Variants in SVOPL observed in about 807,000 individuals in gnomAD.
The protein encoded by SVOPL is SVOP like.
In SVOPL, 60 loss-of-function variants were observed where a neutral mutation model predicts 61.0. The observed-to-expected ratio is 0.98, with a 90% CI of 0.80 to 1.22. The LOEUF (loss-of-function observed/expected upper bound fraction) is 1.22. SVOPL is among the 50% of genes most tolerant of loss of function. The pLI is 0.00. For missense variants in SVOPL, 662 were observed against 643.9 expected, an observed-to-expected ratio of 1.03 and a Z score of -0.30; for synonymous variants, 279 against 250.0, an observed-to-expected ratio of 1.12 and a Z score of -1.09.
At chr7:138,612,424 T>TAAAAAAAAAAAAAAAAA (rs1281500368) in intron 14 of SVOPL, among the ~76,000 whole-genome samples, 4 of 41,200 alleles carry the variant, frequency 9.7e-5, no homozygotes, top group Non-Finnish European at 2.1e-4. Context: ...AAAAAAAAAA[T>TAAAAAAAAAAAAAAAAA]AAAATAAAAA....
chr7:138,651,630 A>G (rs1331558423), intron 7 of SVOPL, among the ~76,000 whole-genome samples: 1 of 152,090 alleles, frequency 6.6e-6, no homozygotes, highest in Non-Finnish European at 1.5e-5. Context: ...TTATTTTTGC[A>G]TCTGTTATGG....
chr7:138,616,592 G>A lies in SVOPL; in HGVS notation c.1353+4454C>T, dbSNP rs188097739. Among the ~76,000 whole-genome samples the A allele has an allele frequency of 6.4e-3, 979 of 152,088 alleles. 3 individuals carry two copies. The highest frequency in any genetic ancestry group is 0.01 in the Non-Finnish European group (680 of 67,978). On this transcript the variant is annotated intron_variant, in intron 14 of 15. Coordinates refer to ENST00000674285, the MANE Select transcript of SVOPL (RefSeq NM_001139456.2). ...CTCAGGTAATCCACCGGCCTCAGCC[G>A]CCCAAAGTGCTGGGATTACAGACAT...
chr7:138,614,258 T>A (rs1324132954), intron 14 of SVOPL, among the ~76,000 whole-genome samples: 1 of 152,078 alleles, frequency 6.6e-6, no homozygotes, highest in Non-Finnish European at 1.5e-5. Flanking sequence ...CCTAACAGAG[T>A]CTCTGTTTGT....
Position 138,661,869 on chromosome 7 carries a change from G to A in SVOPL, c.345+1205C>T, listed in dbSNP as rs186849458. On this transcript the variant is annotated intron_variant, in intron 5 of 15. Transcript: ENST00000674285. ...TAAACTCCCTACTTATATTAATTTC[G>A]TCTCTGTTTCTTCCTTTAGGTCAAT... is the stretch of plus-strand genomic sequence containing the variant. 886 of 985,112 alleles carry A rather than the reference G, an allele frequency of 9.0e-4. 6 individuals carry two copies. The African/African-American group carries it at 0.012, about 14-fold the overall frequency. 61.0% of individuals were successfully genotyped at this position (985,112 alleles called of 1,614,324 possible). A position where few individuals can be genotyped will look rare whatever the true frequency, so the allele number is the denominator to read the frequency against.
chr7:138,607,756 G>C (rs1798819793), intron 14 of SVOPL, among the ~76,000 whole-genome samples: 1 of 152,160 alleles, frequency 6.6e-6, no homozygotes, highest in South Asian at 2.1e-4. Context: ...TGATTTTACA[G>C]CTTGGAAGCT....
chr7:138,687,343 A>C (rs6966562), intron 1 of SVOPL, among the ~76,000 whole-genome samples: 44,878 of 141,592 alleles, frequency 0.32, 7,533 homozygotes, highest in African/African-American at 0.46. Context: ...TCAAGTGATT[A>C]TCCTGCCTCA....
In SVOPL at chr7:138,644,797, C is replaced by G. The variant is rs1801012620; in HGVS notation, c.709G>C (p.Ala237Pro). ...RFNVSTGNTR[A>P]ALATLERVAK... Reference sequence around the variant, plus strand: ...ACGCGCTCCAGAGTGGCCAGGGCAGCCCGAGTGTTCCCAGTGGAGACATTG... The same window carrying G: ...ACGCGCTCCAGAGTGGCCAGGGCAGGCCGAGTGTTCCCAGTGGAGACATTG... Residue 237 changes from alanine (A) to proline (P), a missense_variant, in exon 9 of 16, where the codon GCT becomes CCT. Coordinates refer to ENST00000674285, the MANE Select transcript of SVOPL (RefSeq NM_001139456.2). The G allele has an allele frequency of 6.2e-7, 1 of 1,614,128 alleles. No individual in the cohort carries two copies. Among genetic ancestry groups the G allele is most frequent in the Non-Finnish European group, 8.5e-7 (1 of 1,180,032 alleles).
intron 3 of SVOPL, among the ~76,000 whole-genome samples, chr7:138,672,656 T>TAAAAAAAAA (rs35593361): frequency 5.8e-4 from 69 of 118,824 alleles, no homozygotes; most frequent in Admixed American, 1.0e-3. Context: ...TTTTTGTGTT[T>TAAAAAAAAA]AAAAAAAAAA....
At chr7:138,695,687 G>T (rs979478001) in intron 1 of SVOPL, among the ~76,000 whole-genome samples, 1 of 151,982 alleles carries the variant, frequency 6.6e-6, no homozygotes, top group African/African-American at 2.4e-5. Context: ...AAGAGAAAAA[G>T]GGTGACGTTA....
At chr7:138,673,607 T>C (rs767450687) in intron 3 of SVOPL, among the ~76,000 whole-genome samples, 1 of 152,102 alleles carries the variant, frequency 6.6e-6, no homozygotes, top group Non-Finnish European at 1.5e-5. Flanking sequence ...ATCACACCAC[T>C]GCACTCCAGC....
chr7:138,621,277 A>G, intron 13 of SVOPL, 142 bp from the exon 14 acceptor site: 1 of 556,110 alleles, frequency 1.8e-6, no homozygotes, highest in Non-Finnish European at 2.9e-6. Flanking sequence ...GAAGGTGTTG[A>G]TTTTCTCAGG....
At chr7:138,638,897 A>G (rs1800636817) in intron 9 of SVOPL, among the ~76,000 whole-genome samples, 1 of 152,256 alleles carries the variant, frequency 6.6e-6, no homozygotes, top group African/African-American at 2.4e-5. Context: ...AAGGAAAGAC[A>G]TGATTCAGAA....
intron 7 of SVOPL, among the ~76,000 whole-genome samples, chr7:138,651,618 CATT>C (rs1308034851): frequency 1.3e-5 from 2 of 152,242 alleles, no homozygotes; most frequent in Non-Finnish European, 2.9e-5. Context: ...CAAACTTTAT[CATT>C]ATTTTTGCAT....
At chr7:138,614,418 CAG>C (rs1799192282) in intron 14 of SVOPL, among the ~76,000 whole-genome samples, 12 of 137,500 alleles carry the variant, frequency 8.7e-5, no homozygotes, top group Admixed American at 6.9e-4. Context: ...TTTTTTGAGA[CAG>C]AGTGTCACTC....
chr7:138,631,611 C>T (rs537410966), intron 9 of SVOPL, among the ~76,000 whole-genome samples: 2 of 152,216 alleles, frequency 1.3e-5, no homozygotes, highest in Non-Finnish European at 2.9e-5. Context: ...CTCTGTCACC[C>T]ACACTAGAGT....
At chr7:138,614,777 A>T (rs1249781910) in intron 14 of SVOPL, among the ~76,000 whole-genome samples, 1 of 152,200 alleles carries the variant, frequency 6.6e-6, no homozygotes, top group Non-Finnish European at 1.5e-5. Flanking sequence ...ACTGACGACA[A>T]CGGAAGTGAG....
chr7:138,643,186 G>C (rs1388164711), intron 9 of SVOPL, among the ~76,000 whole-genome samples: 7 of 151,936 alleles, frequency 4.6e-5, no homozygotes, highest in Admixed American at 3.3e-4. Flanking sequence ...CAGCACTTTG[G>C]GAGGCCGAGG....
chr7:138,678,875 T>C (rs1802638393), intron 2 of SVOPL, 89 bp downstream of exon 2: 20 of 1,374,790 alleles, frequency 1.5e-5, no homozygotes, highest in Non-Finnish European at 1.6e-5. Flanking sequence ...TGGCTGCTTC[T>C]TTTGACCTCA....
Position 138,660,733 on chromosome 7 carries a change from AG to A in SVOPL, c.346-746del. On this transcript the variant is annotated intron_variant, in intron 5 of 15. Transcript: ENST00000674285. Reference sequence around the variant, plus strand: ...TGTTCAGGTTAGCAGAATATTTTCAAGGTTCATGTTTCATACTGCCAGGCTG... The same window carrying A: ...TGTTCAGGTTAGCAGAATATTTTCAAGTTCATGTTTCATACTGCCAGGCTG... 4.1e-6 allele frequency: 4 copies of A among 985,416 alleles called. No individual in the cohort carries two copies. In the South Asian group the frequency reaches 1.4e-4, roughly 35 times the overall value. The allele number at this position is 985,416 out of a possible 1,614,324, so 61.0% of individuals were successfully genotyped here.
Sources: allele counts gnomAD v4.1 joint callset (sites outside exome capture counted in the v4.1 genomes callset), GRCh38; gene constraint gnomAD v4.1.1; transcripts MANE v1.5; gene names NCBI Gene and HGNC (gene_info 2026-07-23, HGNC 2026-07-21).